The following CLIP4 variants were observed in gnomAD, a reference collection of about 807,000 sequenced individuals.
CLIP4 encodes CAP-Gly domain containing linker protein family member 4.
In CLIP4, 47 loss-of-function variants were observed where a neutral mutation model predicts 73.1. That is an observed-to-expected ratio of 0.64 (90% CI 0.51 to 0.82). CLIP4 has a LOEUF of 0.82. Among genes scored for constraint, CLIP4 ranks in the 40% least tolerant of loss-of-function variants. The probability of loss-of-function intolerance (pLI) is 0.00; values close to 1 mark genes in which losing one functional copy is unlikely to be tolerated. For synonymous variants in CLIP4, 306 were observed against 295.4 expected (o/e 1.04, Z -0.37); for missense variants, 874 against 852.9 (o/e 1.02, Z -0.31).
chr2:29,181,966 T>A lies in CLIP4; in HGVS notation c.*73T>A. On this transcript the variant is annotated 3_prime_UTR_variant, in exon 16 of 16. Transcript: ENST00000320081. ...AAAGAGTCCATGGTAAATGGTTTAC[T>A]TTATTTAGCCATATTAAAATTTTGA... 1 of 1,284,574 alleles carries A rather than the reference T, an allele frequency of 7.8e-7. No individual in the cohort carries two copies. Among genetic ancestry groups the A allele is most frequent in the Non-Finnish European group, 1.1e-6 (1 of 938,560 alleles). 79.6% of individuals were successfully genotyped at this position (1,284,574 alleles called of 1,614,324 possible).
upstream of CLIP4, among the ~76,000 whole-genome samples, chr2:29,111,401 T>C (rs1474375023): frequency 6.6e-6 from 1 of 152,228 alleles, no homozygotes; most frequent in Non-Finnish European, 1.5e-5. Flanking sequence ...ATTTGCACCA[T>C]GGAAATTGGC....
chr2:29,179,691 A>G (rs564618326), intron 15 of CLIP4, among the ~76,000 whole-genome samples: 12 of 152,374 alleles, frequency 7.9e-5, no homozygotes, highest in African/African-American at 2.9e-4. Context: ...TGAAAATTAC[A>G]GTAATTTTGT....
At chr2:29,136,438 T>TCCTC (rs1449164197) in intron 6 of CLIP4, among the ~76,000 whole-genome samples, 1 of 152,060 alleles carries the variant, frequency 6.6e-6, no homozygotes, top group African/African-American at 2.4e-5. Flanking sequence ...TTTCTTCTCT[T>TCCTC]CCTCCCTCCC....
At chr2:29,171,815 G>A (rs1465835200) in intron 14 of CLIP4, among the ~76,000 whole-genome samples, 1 of 152,020 alleles carries the variant, frequency 6.6e-6, no homozygotes, top group South Asian at 2.1e-4. Context: ...ACCGCGCCTG[G>A]CCTAGGTTTT....
At chr2:29,148,822 T>C (rs763398576) in intron 8 of CLIP4, among the ~76,000 whole-genome samples, 1 of 152,182 alleles carries the variant, frequency 6.6e-6, no homozygotes, top group South Asian at 2.1e-4. Context: ...AGTTTGTTGG[T>C]TGACTTGTTT....
rs1666654882 is a variant in CLIP4, at chr2:29,152,711, A to C, written c.1048A>C (p.Ser350Arg). ...TATTTTTGCACCTCTTTCAAAGATA[A>C]GTAAAGCAAAAGGTCGAAGGAAGAA... is the stretch of plus-strand genomic sequence containing the variant. ...YGIFAPLSKI[S>R]KAKGRRKNIT... The change falls in exon 9 of 16, where the codon AGT (serine) becomes CGT (arginine). Residue 350 changes from serine to arginine, a missense_variant. Coordinates refer to ENST00000320081, the MANE Select transcript of CLIP4 (RefSeq NM_024692.6). 1.2e-6 allele frequency: 2 copies of C among 1,613,622 alleles called. No individual in the cohort carries two copies. The highest frequency in any genetic ancestry group is 2.2e-5 in the South Asian group (2 of 90,990).
chr2:29,180,266 GGTCAT>G (rs1166080659), intron 15 of CLIP4, among the ~76,000 whole-genome samples: 1 of 152,176 alleles, frequency 6.6e-6, no homozygotes, highest in South Asian at 2.1e-4. Context: ...ACAAGACCCT[GGTCAT>G]GTTTCTATTG....
In CLIP4 at chr2:29,182,912, ATTAG is replaced by A. The variant is rs1668711127; in HGVS notation, c.*1023_*1026del. 6.5e-6 allele frequency: 1 copy of A among 152,792 alleles called. No homozygotes were observed. The highest frequency in any genetic ancestry group is 1.5e-5 in the Non-Finnish European group (1 of 68,034). The allele number at this position is 152,792 out of a possible 1,614,324, so 9.5% of individuals were successfully genotyped here. ...AATAAAGATATATCAGGAAGGATGTATTAGTTATTTACTTAAATGTTTATAATAT... is the reference window on the plus strand; with the variant it reads ...AATAAAGATATATCAGGAAGGATGTATTATTTACTTAAATGTTTATAATAT... On this transcript the variant is annotated 3_prime_UTR_variant, in exon 16 of 16. Transcript: ENST00000320081.
At position 29,120,621 on chromosome 2, in the gene CLIP4, G is replaced by A. The variant is rs1664191158; in HGVS notation, c.-15-753G>A. Among the ~76,000 whole-genome samples the A allele has an allele frequency of 2.6e-5, 4 of 152,246 alleles. No homozygotes were observed. In the South Asian group the frequency reaches 8.3e-4, roughly 32 times the overall value. ...GTAAAGATCGGATACAAAAGAAACT[G>A]GAAGGCTTTTAGCTTCATAAGTTTG... On this transcript the variant is annotated intron_variant, in intron 1 of 15. Coordinates refer to ENST00000320081, the MANE Select transcript of CLIP4 (RefSeq NM_024692.6).
chr2:29,117,964 C>T lies in CLIP4; in HGVS notation c.-16+2299C>T, dbSNP rs566602161. Among the ~76,000 whole-genome samples, 5 of 152,268 alleles carry T rather than the reference C, an allele frequency of 3.3e-5. No homozygotes were observed. In the East Asian group the frequency reaches 9.6e-4, roughly 29 times the overall value. On this transcript the variant is annotated intron_variant, in intron 1 of 15. Transcript: ENST00000320081. ...TTCAATTTTTAATTCTCTCTAAGGC[C>T]AACTAAGTGTTCAGTACTGTAAATA...
intron 15 of CLIP4, among the ~76,000 whole-genome samples, chr2:29,179,579 C>A (rs1208801463): frequency 6.6e-6 from 1 of 152,158 alleles, no homozygotes; most frequent in Non-Finnish European, 1.5e-5. Context: ...AGGTAATAAT[C>A]CCATCTTCCC....
intron 1 of CLIP4, among the ~76,000 whole-genome samples, chr2:29,104,510 C>G (rs1306961341): frequency 6.6e-6 from 1 of 152,024 alleles, no homozygotes; most frequent in Non-Finnish European, 1.5e-5. Flanking sequence ...TGGTCTCGAA[C>G]TCCTGTGCTT....
intron 12 of CLIP4, 21 bp downstream of exon 12, chr2:29,160,488 C>G: frequency 6.2e-7 from 1 of 1,612,120 alleles, no homozygotes; most frequent in South Asian, 1.1e-5. Flanking sequence ...TGCATATTTT[C>G]TTAACTTGAA....
At chr2:29,154,781 A>C (rs1666808648) in intron 9 of CLIP4, among the ~76,000 whole-genome samples, 1 of 152,192 alleles carries the variant, frequency 6.6e-6, no homozygotes, top group African/African-American at 2.4e-5. Context: ...CAGCCTGACT[A>C]CTGGGCTGCA....
chr2:29,154,359 C>T (rs999806978), intron 9 of CLIP4, among the ~76,000 whole-genome samples: 1 of 152,088 alleles, frequency 6.6e-6, no homozygotes, highest in Non-Finnish European at 1.5e-5. Flanking sequence ...CCCTTGTTTC[C>T]CATCCAGTCC....
At position 29,135,228 on chromosome 2, in the gene CLIP4, C is replaced by T. The variant is rs114551120; in HGVS notation, c.530-320C>T. On this transcript the variant is annotated intron_variant, in intron 5 of 15. Transcript: ENST00000320081. ...GTTGTCATGGCAAATATGCAACAGA[C>T]TTAATGGGAGATTGTGATAAGCTGT... 6.8e-3 allele frequency among the ~76,000 whole-genome samples: 1,040 copies of T among 152,278 alleles called. 18 individuals carry two copies. Among genetic ancestry groups the T allele is most frequent in the African/African-American group, 0.024 (989 of 41,550 alleles).
Position 29,181,564 on chromosome 2 carries a change from C to A in CLIP4, c.1797-8C>A. The A allele has an allele frequency of 6.3e-7, 1 of 1,594,904 alleles. No individual in the cohort carries two copies. The highest frequency in any genetic ancestry group is 1.1e-5 in the South Asian group (1 of 88,346). On this transcript the variant is annotated splice_polypyrimidine_tract_variant and splice_region_variant and intron_variant, in intron 15 of 15. Coordinates refer to ENST00000320081, the MANE Select transcript of CLIP4 (RefSeq NM_024692.6). ...AAATAATTTTTCCCACTTTTCCCTT[C>A]CGCACAGATCGAAAGCTGCTTTGCG...
chr2:29,160,828 T>C (rs1667239213), intron 12 of CLIP4, among the ~76,000 whole-genome samples: 1 of 152,204 alleles, frequency 6.6e-6, no homozygotes, highest in Non-Finnish European at 1.5e-5. Flanking sequence ...GAGTTAATTG[T>C]ATACCTTTTT....
At chr2:29,164,988 A>G (rs1473006597) in intron 13 of CLIP4, among the ~76,000 whole-genome samples, 1 of 152,208 alleles carries the variant, frequency 6.6e-6, no homozygotes, top group East Asian at 1.9e-4. Flanking sequence ...AATAATAACT[A>G]TTACAAACAT....
Sources: gnomAD v4.1 joint callset for allele counts (sites outside exome capture counted in the v4.1 genomes callset) on GRCh38, gnomAD v4.1.1 for gene constraint, MANE v1.5 for transcripts, NCBI Gene and HGNC (gene_info 2026-07-23, HGNC 2026-07-21) for gene names.